BAG4: variants seen among roughly 807,000 people sequenced by gnomAD.
BAG4 encodes BAG cochaperone 4, also known as BAG family molecular chaperone regulator 4.
In BAG4, 28 loss-of-function variants were observed where a neutral mutation model predicts 52.1. The observed-to-expected ratio is 0.54, with a 90% CI of 0.40 to 0.74. The LOEUF (loss-of-function observed/expected upper bound fraction) is 0.74, where lower values mean the gene tolerates loss of function less well. Ranked by LOEUF, BAG4 falls within the 30% of genes least tolerant of loss-of-function variation. The probability of loss-of-function intolerance (pLI) is 0.00; values close to 1 mark genes in which losing one functional copy is unlikely to be tolerated. For synonymous variants in BAG4, 208 were observed against 217.0 expected (o/e 0.96, Z 0.37); for missense variants, 525 against 572.0 (o/e 0.92, Z 0.84).
At chr8:38,189,921 G>A (rs1160345454) in intron 1 of BAG4, among the ~76,000 whole-genome samples, 4 of 152,008 alleles carry the variant, frequency 2.6e-5, no homozygotes, top group Non-Finnish European at 5.9e-5. Context: ...AGGTAGCTGG[G>A]ACTACAGGCG....
At position 38,211,491 on chromosome 8, in the gene BAG4, A is replaced by G. The variant is rs1470947915; in HGVS notation, c.*998A>G. 6.6e-6 allele frequency: 1 copy of G among 151,834 alleles called. No homozygotes were observed. The highest frequency in any genetic ancestry group is 1.5e-5 in the Non-Finnish European group (1 of 67,896). The allele number at this position is 151,834 out of a possible 1,614,324, so 9.4% of individuals were successfully genotyped here. A position where few individuals can be genotyped will look rare whatever the true frequency, so the allele number is the denominator to read the frequency against. ...GCCACAGTGAGTAGAAATAATTACT[A>G]CAAAAAGTAATAAATATGATTACTT... On this transcript the variant is annotated 3_prime_UTR_variant, in exon 5 of 5. Transcript: ENST00000287322.
At chr8:38,188,960 ATTT>A (rs200005875) in intron 1 of BAG4, among the ~76,000 whole-genome samples, 3 of 132,686 alleles carry the variant, frequency 2.3e-5, no homozygotes, top group African/African-American at 2.8e-5. Context: ...TGCCCGGCTA[ATTT>A]TTTTTTTTTT....
intron 2 of BAG4, chr8:38,202,142 GTATCTC>G (rs149271485): frequency 1.3e-5 from 2 of 151,912 alleles, no homozygotes; most frequent in East Asian, 3.9e-4. Context: ...ATCTCAGGCT[GTATCTC>G]TGGAAGCAGA....
chr8:38,211,783 A>T lies in BAG4; in HGVS notation c.*1290A>T, dbSNP rs1292816023. 1 of 152,152 alleles carries T rather than the reference A, an allele frequency of 6.6e-6. No individual in the cohort carries two copies. The highest frequency in any genetic ancestry group is 6.5e-5 in the Admixed American group (1 of 15,278). The allele number at this position is 152,152 out of a possible 1,614,324, so 9.4% of individuals were successfully genotyped here. On this transcript the variant is annotated 3_prime_UTR_variant, in exon 5 of 5. Transcript: ENST00000287322. The stretch of plus-strand genomic sequence containing the variant: ...TTTTAGAGCCAAATTTAAGAAAAGG[A>T]TATTGAAAGGGTCTTTATTGGCCTT...
chr8:38,212,297 A>G lies in BAG4; in HGVS notation c.*1804A>G, dbSNP rs1444209795. The G allele has an allele frequency of 6.6e-6, 1 of 152,162 alleles. No homozygotes were observed. The highest frequency in any genetic ancestry group is 1.5e-5 in the Non-Finnish European group (1 of 68,016). The allele number at this position is 152,162 out of a possible 1,614,324, so 9.4% of individuals were successfully genotyped here. Reference sequence around the variant, plus strand: ...TACTGACTGAGTGCCCAAGATGCCAATTTCCATGAAGTCTTGATTTATATA... The same window carrying G: ...TACTGACTGAGTGCCCAAGATGCCAGTTTCCATGAAGTCTTGATTTATATA... On this transcript the variant is annotated 3_prime_UTR_variant, in exon 5 of 5. Coordinates refer to ENST00000287322, the MANE Select transcript of BAG4 (RefSeq NM_004874.4).
At chr8:38,198,211 C>T (rs1418718914) in intron 2 of BAG4, among the ~76,000 whole-genome samples, 5 of 150,620 alleles carry the variant, frequency 3.3e-5, no homozygotes, top group Non-Finnish European at 5.9e-5. Flanking sequence ...GGTGAAACCC[C>T]GTCTCTGCTA....
chr8:38,180,718 C>T (rs1803249549), intron 1 of BAG4, among the ~76,000 whole-genome samples: 1 of 151,772 alleles, frequency 6.6e-6, no homozygotes, highest in Non-Finnish European at 1.5e-5. Flanking sequence ...GACTAGAAGC[C>T]TCGGTGTCAC....
rs1803739574 is a variant in BAG4 at position 38,204,690 on chromosome 8, A to G, written c.379-2822A>G. 3.3e-5 allele frequency among the ~76,000 whole-genome samples: 5 copies of G among 151,978 alleles called. No individual in the cohort carries two copies. In the South Asian group the frequency reaches 1.0e-3, roughly 32 times the overall value. ...ACAACGCCTGTGAGAAGGGAAAAAGAAAAAAAATAAACAACAAAAGCCACA... is the reference window on the plus strand; with the variant it reads ...ACAACGCCTGTGAGAAGGGAAAAAGGAAAAAAATAAACAACAAAAGCCACA... On this transcript the variant is annotated intron_variant, in intron 2 of 4. Coordinates refer to ENST00000287322, the MANE Select transcript of BAG4 (RefSeq NM_004874.4).
chr8:38,200,231 G>T (rs561494005), intron 2 of BAG4, among the ~76,000 whole-genome samples: 1 of 151,592 alleles, frequency 6.6e-6, no homozygotes, highest in East Asian at 2.0e-4. Context: ...GATCTGGATC[G>T]CCTGACCTCT....
chr8:38,183,036 CTTTTTTTTTTT>C (rs539995423), intron 1 of BAG4, among the ~76,000 whole-genome samples: 4 of 100,100 alleles, frequency 4.0e-5, no homozygotes, highest in African/African-American at 7.4e-5. Context: ...ACTGACCCAT[CTTTTTTTTTTT>C]TTTTTTTTTT....
Position 38,182,087 on chromosome 8 carries a change from A to G in BAG4, c.270+4948A>G, listed in dbSNP as rs1054170616. ...GGAAGTAGAATGGGATGCTCTGCAAAATTTATGTGGTAAATGTTTGAACCA... is the reference window on the plus strand; with the variant it reads ...GGAAGTAGAATGGGATGCTCTGCAAGATTTATGTGGTAAATGTTTGAACCA... On this transcript the variant is annotated intron_variant, in intron 1 of 4. Coordinates refer to ENST00000287322, the MANE Select transcript of BAG4 (RefSeq NM_004874.4). Among the ~76,000 whole-genome samples, 32 of 152,164 alleles carry G rather than the reference A, an allele frequency of 2.1e-4. 1 individual carries two copies. Among genetic ancestry groups the G allele is most frequent in the Admixed American group, 2.0e-3 (30 of 15,272 alleles).
At chr8:38,209,862 T>A in intron 4 of BAG4, 146 bp from the exon 5 acceptor site, 1 of 1,156,676 alleles carries the variant, frequency 8.6e-7, no homozygotes, top group Non-Finnish European at 1.2e-6. Context: ...TTTTTGCAAA[T>A]GATTAAGGAG....
chr8:38,189,146 T>C (rs1224286228), intron 1 of BAG4, among the ~76,000 whole-genome samples: 1 of 152,018 alleles, frequency 6.6e-6, no homozygotes, highest in Non-Finnish European at 1.5e-5. Flanking sequence ...GGTTTCACCA[T>C]GTGGGCCCGG....
intron 2 of BAG4, among the ~76,000 whole-genome samples, chr8:38,198,008 A>G (rs928203766): frequency 3.9e-5 from 6 of 152,084 alleles, no homozygotes; most frequent in Non-Finnish European, 5.9e-5. Flanking sequence ...CTGGCCTTAT[A>G]AACTTTTAAA....
At chr8:38,187,866 C>CAAAAAAA (rs35690753) in intron 1 of BAG4, among the ~76,000 whole-genome samples, 1 of 56,112 alleles carries the variant, frequency 1.8e-5, no homozygotes, top group Non-Finnish European at 3.5e-5. Context: ...ACTAAAAATA[C>CAAAAAAA]AAAAAAAAAA....
chr8:38,184,339 C>T (rs1803326135), intron 1 of BAG4, among the ~76,000 whole-genome samples: 1 of 151,972 alleles, frequency 6.6e-6, no homozygotes, highest in Admixed American at 6.5e-5. Context: ...TGGTGGTGGG[C>T]CCCTGTATTC....
intron 2 of BAG4, among the ~76,000 whole-genome samples, chr8:38,199,168 C>G (rs1246902356): frequency 1.3e-5 from 2 of 152,104 alleles, no homozygotes; most frequent in African/African-American, 4.8e-5. Context: ...TTGTTTACAC[C>G]AGCGTCACCA....
intron 1 of BAG4, among the ~76,000 whole-genome samples, chr8:38,191,020 A>G (rs563261312): frequency 1.5e-4 from 23 of 152,242 alleles, no homozygotes; most frequent in African/African-American, 5.5e-4. Context: ...AGGCCTCCCA[A>G]AGTGGTGGGA....
In BAG4 at chr8:38,210,235, A is replaced by G. The variant is rs1223232590; in HGVS notation, c.1116A>G (p.Ser372=). The change falls in exon 5 of 5, where the codon TCA becomes TCG. Residue 372 remains serine (S), a synonymous_variant. Coordinates refer to ENST00000287322, the MANE Select transcript of BAG4 (RefSeq NM_004874.4). The part of the protein sequence containing the change: ...SSSLPEECVP[S]DESTPPSIKK... ...GTCTTCCTGAAGAATGTGTACCTTC[A>G]GATGAAAGTACTCCTCCGAGTATTA... The G allele has an allele frequency of 6.2e-7, 1 of 1,614,104 alleles. No individual in the cohort carries two copies. The highest frequency in any genetic ancestry group is 8.5e-7 in the Non-Finnish European group (1 of 1,180,050).
Sources: allele counts gnomAD v4.1 joint callset (sites outside exome capture counted in the v4.1 genomes callset), GRCh38; gene constraint gnomAD v4.1.1; transcripts MANE v1.5; gene names NCBI Gene and HGNC (gene_info 2026-07-23, HGNC 2026-07-21).